Variants in DCC observed in about 807,000 individuals in gnomAD.
The protein encoded by DCC is netrin receptor DCC.
DCC carries 58 observed loss-of-function variants against 172.5 expected under a neutral mutation model. That is an observed-to-expected ratio of 0.34 (90% CI 0.27 to 0.42). The LOEUF (loss-of-function observed/expected upper bound fraction) is 0.42, where lower values mean the gene tolerates loss of function less well. DCC is among the 10% of genes least tolerant of loss of function. The pLI, the probability that DCC is intolerant of heterozygous loss-of-function variation, is 1.00. For missense variants in DCC, 1,740 were observed against 1,791.0 expected, an observed-to-expected ratio of 0.97 and a Z score of 0.51; for synonymous variants, 709 against 644.5, an observed-to-expected ratio of 1.10 and a Z score of -1.52.
At chr18:52,866,488 C>A (rs2039231236) in intron 2 of DCC, among the ~76,000 whole-genome samples, 1 of 152,138 alleles carries the variant, frequency 6.6e-6, no homozygotes, top group Non-Finnish European at 1.5e-5. Flanking sequence ...GGCAGTATGG[C>A]CATTTTCACA....
At chr18:53,479,334 T>G (rs1161988627) in intron 25 of DCC, among the ~76,000 whole-genome samples, 1 of 152,228 alleles carries the variant, frequency 6.6e-6, no homozygotes, top group East Asian at 1.9e-4. Flanking sequence ...TATTTTTTAT[T>G]CAAACTCTAT....
At chr18:52,735,471 C>T (rs776227728) in intron 1 of DCC, among the ~76,000 whole-genome samples, 20 of 152,058 alleles carry the variant, frequency 1.3e-4, no homozygotes, top group Non-Finnish European at 2.2e-4. Context: ...CACATGACCA[C>T]GAGGTGAAGT....
At chr18:52,966,267 C>T (rs183648887) in intron 5 of DCC, among the ~76,000 whole-genome samples, 1 of 152,186 alleles carries the variant, frequency 6.6e-6, no homozygotes. Context: ...TTGAATGATT[C>T]ACTTTCCAAA....
chr18:53,409,012 T>C (rs958264125), intron 19 of DCC, among the ~76,000 whole-genome samples: 1 of 152,166 alleles, frequency 6.6e-6, no homozygotes, highest in African/African-American at 2.4e-5. Context: ...GTGTTTTTAC[T>C]TTATTGAAGT....
chr18:53,088,862 C>T (rs752727709), intron 7 of DCC, among the ~76,000 whole-genome samples: 10 of 152,118 alleles, frequency 6.6e-5, no homozygotes, highest in African/African-American at 9.7e-5. Flanking sequence ...ATATAGTTCT[C>T]ATTGTGAATA....
At chr18:52,558,726 C>T (rs914354694) in intron 1 of DCC, among the ~76,000 whole-genome samples, 4 of 151,932 alleles carry the variant, frequency 2.6e-5, no homozygotes, top group Non-Finnish European at 4.4e-5. Flanking sequence ...TACATCTACC[C>T]GAATTTTAAA....
At chr18:52,417,831 C>T (rs1452312431) in intron 1 of DCC, among the ~76,000 whole-genome samples, 1 of 152,192 alleles carries the variant, frequency 6.6e-6, no homozygotes, top group Non-Finnish European at 1.5e-5. Flanking sequence ...CCTCCTGTAG[C>T]TCGGAGTAGT....
rs148789633 is a variant in DCC, at chr18:53,433,649, C to T, written c.3164-1495C>T. 8.4e-3 allele frequency among the ~76,000 whole-genome samples: 1,116 copies of T among 132,814 alleles called. 17 individuals carry two copies. Among genetic ancestry groups the T allele is most frequent in the Admixed American group, 0.03 (414 of 13,718 alleles). 87.1% of individuals were successfully genotyped at this position (132,814 alleles called of 152,430 possible). A position where few individuals can be genotyped will look rare whatever the true frequency, so the allele number is the denominator to read the frequency against. On this transcript the variant is annotated intron_variant, in intron 21 of 28. Transcript: ENST00000442544. ...AGCTTATCCGCTGCTCATTGAAACC[C>T]CAAATGCATCACAGTTATATAAACA...
intron 1 of DCC, among the ~76,000 whole-genome samples, chr18:52,490,020 A>T (rs1294126345): frequency 6.6e-6 from 1 of 152,024 alleles, no homozygotes; most frequent in East Asian, 1.9e-4. Flanking sequence ...GATATAAATC[A>T]AAATGATGGC....
chr18:53,287,139 A>T (rs2056945295), intron 12 of DCC, among the ~76,000 whole-genome samples: 1 of 152,144 alleles, frequency 6.6e-6, no homozygotes, highest in African/African-American at 2.4e-5. Context: ...CTCATCTTCC[A>T]GTCCCTCCCT....
chr18:52,558,025 A>C (rs1598911952), intron 1 of DCC, among the ~76,000 whole-genome samples: 1 of 152,096 alleles, frequency 6.6e-6, no homozygotes, highest in East Asian at 1.9e-4. Flanking sequence ...ATTATATATA[A>C]ATTTGTGTTC....
At chr18:53,202,925 G>C (rs1040263862) in intron 9 of DCC, among the ~76,000 whole-genome samples, 1 of 152,092 alleles carries the variant, frequency 6.6e-6, no homozygotes, top group Non-Finnish European at 1.5e-5. Flanking sequence ...ATTTAGTACT[G>C]TTCCAACTCA....
chr18:53,321,633 G>A (rs1485663945), intron 13 of DCC, among the ~76,000 whole-genome samples: 4 of 151,918 alleles, frequency 2.6e-5, no homozygotes, highest in Non-Finnish European at 5.9e-5. Context: ...TTGATTTTTG[G>A]CCTAAAGAAA....
chr18:53,310,287 A>G (rs2057251246), intron 13 of DCC, among the ~76,000 whole-genome samples: 1 of 152,176 alleles, frequency 6.6e-6, no homozygotes, highest in African/African-American at 2.4e-5. Context: ...ATATAAATCT[A>G]CAGCACTGTA....
chr18:52,571,835 A>T (rs2033302013), intron 1 of DCC, among the ~76,000 whole-genome samples: 1 of 152,188 alleles, frequency 6.6e-6, no homozygotes, highest in South Asian at 2.1e-4. Context: ...CACTGACTTC[A>T]ATATGTCCAT....
chr18:53,129,791 C>T (rs924562365), intron 7 of DCC, among the ~76,000 whole-genome samples: 8 of 152,078 alleles, frequency 5.3e-5, no homozygotes, highest in Non-Finnish European at 1.0e-4. Context: ...ATAAAAGCTG[C>T]TATGAACATT....
chr18:52,745,810 C>A (rs2036897569), intron 1 of DCC, among the ~76,000 whole-genome samples: 1 of 152,206 alleles, frequency 6.6e-6, no homozygotes, highest in African/African-American at 2.4e-5. Flanking sequence ...CCCTTCCCAG[C>A]CTCTTGTAAC....
At chr18:53,135,864 C>A (rs927296673) in intron 7 of DCC, among the ~76,000 whole-genome samples, 1 of 152,098 alleles carries the variant, frequency 6.6e-6, no homozygotes, top group Non-Finnish European at 1.5e-5. Context: ...ACAGGTGTCA[C>A]CCAAGCTTTG....
rs114473973 is a variant in DCC, at chr18:52,910,172, T to C, written c.697+3844T>C. On this transcript the variant is annotated intron_variant, in intron 3 of 28. Transcript: ENST00000442544. ...TCAGAGAAGATCCAGAAATGATGTT[T>C]GGTTTGGTCCTGGAAACATATCACA... Among the ~76,000 whole-genome samples the C allele has an allele frequency of 1.2e-3, 185 of 152,208 alleles. 1 individual carries two copies. The highest frequency in any genetic ancestry group is 4.2e-3 in the African/African-American group (175 of 41,552).
Sources: gnomAD v4.1 joint callset for allele counts (sites outside exome capture counted in the v4.1 genomes callset) on GRCh38, gnomAD v4.1.1 for gene constraint, MANE v1.5 for transcripts, NCBI Gene and HGNC (gene_info 2026-07-23, HGNC 2026-07-21) for gene names.